Variants in NAALADL2 observed in about 807,000 individuals in gnomAD.
The protein encoded by NAALADL2 is N-acetylated alpha-linked acidic dipeptidase like 2, also known as inactive N-acetylated-alpha-linked acidic dipeptidase-like protein 2.
A neutral mutation model predicts 87.2 loss-of-function variants in NAALADL2; 76 were observed. The ratio of observed to expected loss-of-function variants is 0.87; its 90% confidence interval spans 0.72 to 1.05. The LOEUF is 1.05. NAALADL2 is among the 50% of genes least tolerant of loss of function. The pLI is 0.00. For synonymous variants in NAALADL2, 354 were observed against 331.0 expected, an observed-to-expected ratio of 1.07 and a Z score of -0.75; for missense variants, 1,089 against 945.8, an observed-to-expected ratio of 1.15 and a Z score of -1.99.
intron 1 of NAALADL2, among the ~76,000 whole-genome samples, chr3:174,478,366 C>T (rs549748811): frequency 3.3e-5 from 5 of 152,174 alleles, no homozygotes; most frequent in African/African-American, 1.2e-4. Flanking sequence ...TGCTATCTTA[C>T]ATATTGTGCA....
chr3:175,534,720 C>A (rs1252896907), intron 9 of NAALADL2, among the ~76,000 whole-genome samples: 2 of 151,480 alleles, frequency 1.3e-5, no homozygotes, highest in South Asian at 2.1e-4. Flanking sequence ...ATAAAGGAGG[C>A]CTATTGACTC....
chr3:175,579,382 T>C (rs1719410579), intron 10 of NAALADL2, among the ~76,000 whole-genome samples: 1 of 152,152 alleles, frequency 6.6e-6, no homozygotes, highest in African/African-American at 2.4e-5. Context: ...TTGTAATATC[T>C]ATCCCCAATA....
chr3:174,920,514 G>T (rs564425856), intron 1 of NAALADL2, among the ~76,000 whole-genome samples: 16 of 152,180 alleles, frequency 1.1e-4, no homozygotes, highest in Non-Finnish European at 1.9e-4. Context: ...TAGAACCGAA[G>T]AGTTTTGAGA....
chr3:175,558,159 C>CACTCCA (rs1314430678), intron 9 of NAALADL2, among the ~76,000 whole-genome samples: 4 of 133,398 alleles, frequency 3.0e-5, no homozygotes, highest in African/African-American at 1.1e-4. Context: ...CACGCCACTG[C>CACTCCA]ACTCCAACCT....
At chr3:175,115,689 G>A (rs959382036) in intron 2 of NAALADL2, among the ~76,000 whole-genome samples, 23 of 151,628 alleles carry the variant, frequency 1.5e-4, no homozygotes, top group African/African-American at 5.1e-4. Context: ...AGTAATGAAT[G>A]GTATTTCTGC....
At chr3:175,184,882 C>T (rs1441596609) in intron 2 of NAALADL2, among the ~76,000 whole-genome samples, 4 of 152,036 alleles carry the variant, frequency 2.6e-5, no homozygotes, top group Non-Finnish European at 4.4e-5. Context: ...AGATAATGCA[C>T]GTTAAGCACC....
At chr3:175,538,690 G>A (rs188728543) in intron 9 of NAALADL2, among the ~76,000 whole-genome samples, 4 of 152,022 alleles carry the variant, frequency 2.6e-5, no homozygotes, top group Admixed American at 2.0e-4. Context: ...AATCCAAGAA[G>A]GTACAACCTA....
At chr3:175,202,340 C>T (rs1048904448) in intron 2 of NAALADL2, among the ~76,000 whole-genome samples, 5 of 152,108 alleles carry the variant, frequency 3.3e-5, no homozygotes, top group Admixed American at 6.5e-5. Flanking sequence ...ATTTCCTCTC[C>T]TCTCTGATCT....
chr3:174,763,596 A>AAAAAAAAAAAAAAG (rs1168526249), intron 3 of NAALADL2, among the ~76,000 whole-genome samples: 1 of 149,150 alleles, frequency 6.7e-6, no homozygotes, highest in Non-Finnish European at 1.5e-5. Context: ...CAAAAAAAAA[A>AAAAAAAAAAAAAAG]AAAAAGACTA....
At chr3:175,070,953 G>T (rs955137799) in intron 1 of NAALADL2, among the ~76,000 whole-genome samples, 2 of 151,938 alleles carry the variant, frequency 1.3e-5, no homozygotes, top group Non-Finnish European at 2.9e-5. Context: ...TAAGACATAC[G>T]ATCTCAGTGT....
At chr3:175,637,434 A>C (rs777857640) in intron 11 of NAALADL2, among the ~76,000 whole-genome samples, 1 of 152,210 alleles carries the variant, frequency 6.6e-6, no homozygotes, top group Non-Finnish European at 1.5e-5. Context: ...CCTCATGTTG[A>C]AATTGATGCC....
chr3:175,790,852 C>T (rs563365360), intron 13 of NAALADL2, among the ~76,000 whole-genome samples: 1 of 152,282 alleles, frequency 6.6e-6, no homozygotes, highest in East Asian at 1.9e-4. Flanking sequence ...TTACATAATG[C>T]TAATTAAATC....
At chr3:174,555,974 CGTGTGTGTGT>C (rs66968495) in intron 2 of NAALADL2, among the ~76,000 whole-genome samples, 18 of 142,536 alleles carry the variant, frequency 1.3e-4, no homozygotes, top group African/African-American at 3.5e-4. Context: ...CCTTATCCTC[CGTGTGTGTGT>C]GTGTGTGTGT....
At chr3:175,588,940 G>A (rs1361896916) in intron 10 of NAALADL2, among the ~76,000 whole-genome samples, 1 of 152,120 alleles carries the variant, frequency 6.6e-6, no homozygotes, top group African/African-American at 2.4e-5. Context: ...AAAGATTATG[G>A]CCACATACTA....
intron 9 of NAALADL2, among the ~76,000 whole-genome samples, chr3:175,487,330 T>C (rs1371442035): frequency 6.6e-6 from 1 of 152,194 alleles, no homozygotes; most frequent in East Asian, 1.9e-4. Context: ...TGTCAGTCCC[T>C]CCTTCTAGGA....
rs5854590 is a variant in NAALADL2, at chr3:174,699,494, C to CA, written c.-114-38131dup. Among the ~76,000 whole-genome samples the CA allele has an allele frequency of 8.9e-3, 1,078 of 121,070 alleles. 5 individuals carry two copies. The highest frequency in any genetic ancestry group is 0.031 in the South Asian group (123 of 4,006). 79.4% of individuals were successfully genotyped at this position (121,070 alleles called of 152,430 possible). A position where few individuals can be genotyped will look rare whatever the true frequency, so the allele number is the denominator to read the frequency against. ...GGGCAATAAGAGCAAAACTCCATCT[C>CA]AAAAAAAAAAAAAAAATTCTTAGAT... On this transcript the variant is annotated intron_variant, in intron 2 of 3. Coordinates refer to the NAALADL2 transcript ENST00000434257.
chr3:175,392,614 T>A (rs1171795822), intron 5 of NAALADL2, among the ~76,000 whole-genome samples: 1 of 152,238 alleles, frequency 6.6e-6, no homozygotes, highest in African/African-American at 2.4e-5. Flanking sequence ...ACTTTTTCTA[T>A]TTGTAATGCA....
intron 1 of NAALADL2, among the ~76,000 whole-genome samples, chr3:174,462,603 A>G (rs1032333966): frequency 5.9e-5 from 9 of 152,164 alleles, no homozygotes; most frequent in African/African-American, 2.2e-4. Flanking sequence ...AAAATTGCCA[A>G]GAATTAATTT....
chr3:175,244,529 CTGT>C (rs754219869), intron 3 of NAALADL2, among the ~76,000 whole-genome samples: 38 of 152,206 alleles, frequency 2.5e-4, no homozygotes, highest in Admixed American at 1.4e-3. Context: ...TACCACCCAA[CTGT>C]TGTTCTTTCT....
Sources: allele counts gnomAD v4.1 joint callset (sites outside exome capture counted in the v4.1 genomes callset), GRCh38; gene constraint gnomAD v4.1.1; transcripts MANE v1.5; gene names NCBI Gene and HGNC (gene_info 2026-07-23, HGNC 2026-07-21).